CHFR: variants seen among roughly 807,000 people sequenced by gnomAD.
CHFR encodes the protein E3 ubiquitin-protein ligase CHFR.
CHFR carries 57 observed loss-of-function variants against 87.6 expected under a neutral mutation model. The observed-to-expected ratio is 0.65, with a 90% CI of 0.53 to 0.81. The LOEUF (loss-of-function observed/expected upper bound fraction) is 0.81. CHFR is among the 30% of genes least tolerant of loss of function. The pLI is 0.00. For missense variants in CHFR, 797 were observed against 865.8 expected (o/e 0.92, Z 1.00); for synonymous variants, 381 against 359.2 (o/e 1.06, Z -0.69).
chr12:132,861,158 G>A (rs990207820), intron 7 of CHFR, among the ~76,000 whole-genome samples: 3 of 152,154 alleles, frequency 2.0e-5, no homozygotes, highest in East Asian at 1.9e-4. Context: ...TTAGGATTAC[G>A]GATATGAACT....
Position 132,877,569 on chromosome 12 carries a change from T to C in CHFR, c.219A>G (p.Thr73=), listed in dbSNP as rs115711908. 85 of 1,609,580 alleles carry C rather than the reference T, an allele frequency of 5.3e-5. No individual in the cohort carries two copies. The East Asian group carries it at 5.4e-4, about 10-fold the overall frequency. The change falls in exon 3 of 18, where the codon ACA becomes ACG. Residue 73 remains threonine, a synonymous_variant. Transcript: ENST00000450056. Reference sequence around the variant, plus strand: ...AACATACTCACCTGGTATCTTCCAGTGTCACCTGACCTGATTTTTCATCCA... The same window carrying C: ...AACATACTCACCTGGTATCTTCCAGCGTCACCTGACCTGATTTTTCATCCA... ...IVVDEKSGQV[T]LEDTSTSGTV...
intron 8 of CHFR, 112 bp from the exon 9 acceptor site, chr12:132,857,671 G>A (rs1430940722): frequency 1.2e-5 from 12 of 1,019,030 alleles, no homozygotes; most frequent in Admixed American, 2.6e-5. Context: ...CCCAGCCATC[G>A]TTCAACCTAA....
Position 132,869,747 on chromosome 12 carries a change from G to A in CHFR, c.455C>T (p.Ser152Leu), listed in dbSNP as rs1030329804. 1.3e-5 allele frequency: 20 copies of A among 1,551,474 alleles called. No individual in the cohort carries two copies. Among genetic ancestry groups the A allele is most frequent in the Non-Finnish European group, 1.6e-5 (18 of 1,146,978 alleles). The change falls in exon 6 of 18, where the codon TCG becomes TTG. Residue 152 changes from serine (S) to leucine (L), a missense_variant. By Grantham distance (145) the Ser-to-Leu change is moderately radical. Transcript: ENST00000450056. ...GRGADPRVPP[S>L]SPATQVCFEE... ...AAAGCACACCTGAGTGGCGGGCGAC[G>A]ACGGAGGGACCCGGGGATCGGCCCC...
chr12:132,852,645 A>C (rs541767109), intron 11 of CHFR, among the ~76,000 whole-genome samples: 1 of 152,366 alleles, frequency 6.6e-6, no homozygotes, highest in East Asian at 1.9e-4. Flanking sequence ...GAGCTTGTCC[A>C]GTGACCCAGA....
At chr12:132,870,589 G>A (rs1951466056) in intron 5 of CHFR, 135 bp downstream of exon 5, 3 of 556,902 alleles carry the variant, frequency 5.4e-6, no homozygotes, top group South Asian at 5.6e-5. Context: ...GAACCCAGGA[G>A]GCGGAGGCTG....
chr12:132,842,703 G>C (rs1391194253), intron 17 of CHFR, among the ~76,000 whole-genome samples: 2 of 152,252 alleles, frequency 1.3e-5, no homozygotes, highest in Non-Finnish European at 2.9e-5. Context: ...TTGCGAGGGG[G>C]GCCTGAGGCC....
Position 132,869,755 on chromosome 12 carries a change from G to A in CHFR, c.447C>T (p.Val149=). Residue 149 remains valine (V), a synonymous_variant, in exon 6 of 18, where the codon GTC becomes GTT. Coordinates refer to ENST00000450056, the MANE Select transcript of CHFR (RefSeq NM_001161346.2). Reference sequence around the variant, plus strand: ...CCTGAGTGGCGGGCGACGACGGAGGGACCCGGGGATCGGCCCCTCGCCCTG... The same window carrying A: ...CCTGAGTGGCGGGCGACGACGGAGGAACCCGGGGATCGGCCCCTCGCCCTG... ...AGAGRGADPR[V]PPSSPATQVC... is the part of the protein sequence containing the mutation. 3.9e-6 allele frequency: 6 copies of A among 1,551,464 alleles called. No individual in the cohort carries two copies. Among genetic ancestry groups the A allele is most frequent in the Admixed American group, 2.0e-5 (1 of 50,998 alleles).
At position 132,877,507 on chromosome 12, in the gene CHFR, T is replaced by C. The variant is rs780160238; in HGVS notation, c.233+48A>G. On this transcript the variant is annotated intron_variant, in intron 3 of 17. Coordinates refer to ENST00000450056, the MANE Select transcript of CHFR (RefSeq NM_001161346.2). ...ACAGCACAGAGCACGAAGTCAGGCT[T>C]CTTAAGCTACAAGAAGAAACACCAA... 3 of 1,356,336 alleles carry C rather than the reference T, an allele frequency of 2.2e-6. No individual in the cohort carries two copies. In the Middle Eastern group the frequency reaches 5.5e-4, roughly 247 times the overall value. The allele number at this position is 1,356,336 out of a possible 1,614,324, so 84.0% of individuals were successfully genotyped here.
chr12:132,885,621 CATGTA>C (rs928252458), intron 2 of CHFR, among the ~76,000 whole-genome samples: 7 of 152,128 alleles, frequency 4.6e-5, no homozygotes, highest in African/African-American at 1.4e-4. Flanking sequence ...CTTGTCTTAA[CATGTA>C]ATGTCCTACC....
At chr12:132,874,656 A>C (rs1223394252) in intron 3 of CHFR, among the ~76,000 whole-genome samples, 1 of 132,282 alleles carries the variant, frequency 7.6e-6, no homozygotes, top group African/African-American at 2.8e-5. Context: ...CAGGCCCCGG[A>C]ACAGGCGGGA....
At chr12:132,857,291 A>T in intron 9 of CHFR, 114 bp downstream of exon 9, 2 of 940,490 alleles carry the variant, frequency 2.1e-6, no homozygotes, top group Non-Finnish European at 3.1e-6. Context: ...GTGCTGGTGG[A>T]GGGACAGCCC....
rs191042547 is a variant in CHFR, at chr12:132,882,081, C to G, written c.134-4427G>C. Among the ~76,000 whole-genome samples the G allele has an allele frequency of 2.0e-4, 30 of 152,262 alleles. No individual in the cohort carries two copies. In the East Asian group the frequency reaches 5.6e-3, roughly 28 times the overall value. The stretch of plus-strand genomic sequence containing the variant: ...GCTAAGAGAAAAATGTATGTCCCTA[C>G]AAAGACTGCACACTTATGTTTATAT... On this transcript the variant is annotated intron_variant, in intron 2 of 17. Coordinates refer to ENST00000450056, the MANE Select transcript of CHFR (RefSeq NM_001161346.2).
At chr12:132,866,659 G>T (rs1284770032) in intron 6 of CHFR, 1 of 151,878 alleles carries the variant, frequency 6.6e-6, no homozygotes, top group East Asian at 1.9e-4. Context: ...ACACCGGAAT[G>T]TTACAACACA....
intron 14 of CHFR, 138 bp from the exon 15 acceptor site, chr12:132,847,268 A>G: frequency 2.1e-6 from 3 of 1,437,992 alleles, no homozygotes; most frequent in Non-Finnish European, 2.7e-6. Context: ...TGGCATTTGC[A>G]GAGGGCTGCA....
intron 8 of CHFR, 21 bp from the exon 9 acceptor site, chr12:132,857,580 G>C: frequency 6.2e-7 from 1 of 1,611,208 alleles, no homozygotes; most frequent in Non-Finnish European, 8.5e-7. Flanking sequence ...AAGAGGAACA[G>C]TGTCCAGACA....
chr12:132,876,433 C>T (rs374674144), intron 3 of CHFR, among the ~76,000 whole-genome samples: 1 of 152,164 alleles, frequency 6.6e-6, no homozygotes, highest in African/African-American at 2.4e-5. Context: ...TTCAGACATG[C>T]TCAACTGGTA....
At chr12:132,844,491 A>G (rs183445120) in intron 15 of CHFR, among the ~76,000 whole-genome samples, 5,242 of 111,590 alleles carry the variant, frequency 0.047, 440 homozygotes, top group Non-Finnish European at 0.082. Flanking sequence ...TCACCGTGTT[A>G]GCCAGGATGG....
At chr12:132,874,973 A>T (rs1335944534) in intron 3 of CHFR, among the ~76,000 whole-genome samples, 1 of 132,264 alleles carries the variant, frequency 7.6e-6, no homozygotes, top group African/African-American at 2.8e-5. Flanking sequence ...CCAGGCCCTG[A>T]TGTAGGCGGG....
At position 132,869,920 on chromosome 12, in the gene CHFR, G is replaced by C. The variant is rs557337430; in HGVS notation, c.404-122C>G. ...TTGAAATGCTCTTAAGAATGCAACA[G>C]CCCCAAGGCCAGGCACGGTGGTGCA... On this transcript the variant is annotated intron_variant, in intron 5 of 17. Transcript: ENST00000450056. The C allele has an allele frequency of 3.1e-5, 37 of 1,185,626 alleles. No homozygotes were observed. The Middle Eastern group carries it at 9.7e-4, about 31-fold the overall frequency. The allele number at this position is 1,185,626 out of a possible 1,614,324, so 73.4% of individuals were successfully genotyped here.
Sources: gnomAD v4.1 joint callset for allele counts (sites outside exome capture counted in the v4.1 genomes callset) on GRCh38, gnomAD v4.1.1 for gene constraint, MANE v1.5 for transcripts, NCBI Gene and HGNC (gene_info 2026-07-23, HGNC 2026-07-21) for gene names.